The following NRIP1 variants were observed in gnomAD, a reference collection of about 807,000 sequenced individuals.
NRIP1 encodes the protein nuclear receptor-interacting protein 1.
Under a neutral mutation model 75.0 loss-of-function variants are expected in NRIP1, and 28 were observed. The observed-to-expected ratio is 0.37, with a 90% CI of 0.28 to 0.51. The LOEUF (loss-of-function observed/expected upper bound fraction) is 0.51. Ranked by LOEUF, NRIP1 falls within the 20% of genes least tolerant of loss-of-function variation. The pLI is 0.92. For synonymous variants in NRIP1, 526 were observed against 487.6 expected, an observed-to-expected ratio of 1.08 and a Z score of -1.04; for missense variants, 1,435 against 1,343.7, an observed-to-expected ratio of 1.07 and a Z score of -1.06.
intron 3 of NRIP1, among the ~76,000 whole-genome samples, chr21:14,993,771 A>C (rs1472920479): frequency 6.6e-6 from 1 of 151,886 alleles, no homozygotes; most frequent in Non-Finnish European, 1.5e-5. Context: ...GGCAACAGAG[A>C]GAGATATGTC....
intron 3 of NRIP1, among the ~76,000 whole-genome samples, chr21:14,969,725 C>T (rs2086853098): frequency 1.3e-5 from 2 of 152,162 alleles, no homozygotes. Context: ...TACCCTGTAG[C>T]TTTTTAAGTA....
At chr21:14,970,912 G>A (rs555516023) in intron 3 of NRIP1, among the ~76,000 whole-genome samples, 167 of 152,280 alleles carry the variant, frequency 1.1e-3, no homozygotes, top group African/African-American at 3.9e-3. Flanking sequence ...AGCAGATTTG[G>A]AAGTTGATTT....
chr21:14,965,941 A>C lies in NRIP1; in HGVS notation c.2252T>G (p.Leu751Arg), dbSNP rs376363115. Reference sequence around the variant, plus strand: ...AGGCTCAGATTTTATTTTCACCATCAGTATTTGTTCACTTAAAGCTCTCTC... The same window carrying C: ...AGGCTCAGATTTTATTTTCACCATCCGTATTTGTTCACTTAAAGCTCTCTC... The part of the protein sequence containing the change: ...HSERALSEQI[L>R]MVKIKSEPCD... The change falls in exon 4 of 4, where the codon CTG becomes CGG. Residue 751 changes from leucine (L) to arginine (R), a missense_variant. Physicochemically the swap from Leu to Arg is moderately radical, Grantham distance 102 (BLOSUM62 -2). Coordinates refer to ENST00000318948, the MANE Select transcript of NRIP1 (RefSeq NM_003489.4). 7.9e-5 allele frequency: 128 copies of C among 1,613,986 alleles called. No individual in the cohort carries two copies. Among genetic ancestry groups the C allele is most frequent in the Non-Finnish European group, 1.0e-4 (119 of 1,179,988 alleles).
chr21:15,010,541 T>A (rs1845451295), intron 3 of NRIP1, among the ~76,000 whole-genome samples: 1 of 152,208 alleles, frequency 6.6e-6, no homozygotes, highest in South Asian at 2.1e-4. Context: ...TAAGGAAAAG[T>A]CAATTATTTA....
In NRIP1 at chr21:14,965,911, T is replaced by C; in HGVS notation, c.2282A>G (p.Asp761Gly). 1 of 1,614,098 alleles carries C rather than the reference T, an allele frequency of 6.2e-7. No individual in the cohort carries two copies. The highest frequency in any genetic ancestry group is 8.5e-7 in the Non-Finnish European group (1 of 1,179,982). ...ATTTGTGTTAGGAATTTGTAAGTCA[T>C]CACAAGGCTCAGATTTTATTTTCAC... ...LMVKIKSEPC[D>G]DLQIPNTNVH... Residue 761 changes from aspartate (D) to glycine (G), a missense_variant, in exon 4 of 4, where the codon GAT becomes GGT. By Grantham distance (94) the Asp-to-Gly change is moderately conservative. Coordinates refer to ENST00000318948, the MANE Select transcript of NRIP1 (RefSeq NM_003489.4).
chr21:15,021,554 T>C (rs1449800791), intron 2 of NRIP1, among the ~76,000 whole-genome samples: 1 of 152,156 alleles, frequency 6.6e-6, no homozygotes, highest in South Asian at 2.1e-4. Flanking sequence ...AATTGCTGGA[T>C]ACATGTAAAT....
chr21:14,965,298 G>A lies in NRIP1; in HGVS notation c.2895C>T (p.His965=). 1.9e-6 allele frequency: 3 copies of A among 1,613,970 alleles called. No individual in the cohort carries two copies. The highest frequency in any genetic ancestry group is 2.5e-6 in the Non-Finnish European group (3 of 1,179,910). ...GTTTGCTGTTGGTCACATTATTTTT[G>A]TGTCCTTTCTTTTTACTGTCAGCCA... is the stretch of plus-strand genomic sequence containing the variant. The part of the protein sequence containing the change: ...NSVADSKKKG[H]KNNVTNSKPE... Residue 965 remains histidine (H), a synonymous_variant, in exon 4 of 4, where the codon CAC becomes CAT. Coordinates refer to ENST00000318948, the MANE Select transcript of NRIP1 (RefSeq NM_003489.4).
At chr21:15,050,780 G>A (rs527651132) in intron 1 of NRIP1, 34 of 456,054 alleles carry the variant, frequency 7.5e-5, no homozygotes, top group Middle Eastern at 6.5e-4. Flanking sequence ...CTTAGAGAAG[G>A]CAAAGGACTC....
intron 2 of NRIP1, among the ~76,000 whole-genome samples, chr21:15,029,580 G>A (rs2088596477): frequency 6.6e-6 from 1 of 152,150 alleles, no homozygotes; most frequent in South Asian, 2.1e-4. Flanking sequence ...CTCCAGGAGG[G>A]TAGCAATTTT....
intron 3 of NRIP1, among the ~76,000 whole-genome samples, chr21:14,969,166 T>C (rs1012094708): frequency 3.3e-5 from 5 of 152,204 alleles, no homozygotes; most frequent in African/African-American, 1.2e-4. Flanking sequence ...TTCATAAACA[T>C]TAAAATACAG....
intron 3 of NRIP1, among the ~76,000 whole-genome samples, chr21:14,982,031 TG>T (rs1339731436): frequency 6.6e-6 from 1 of 152,014 alleles, no homozygotes. Flanking sequence ...TTTTGATTTT[TG>T]TAGGGACGGG....
At chr21:15,013,582 T>C (rs895504757) in intron 3 of NRIP1, among the ~76,000 whole-genome samples, 1 of 152,232 alleles carries the variant, frequency 6.6e-6, no homozygotes, top group African/African-American at 2.4e-5. Flanking sequence ...CCTAGTTCAC[T>C]TGGATTTCTC....
intron 1 of NRIP1, among the ~76,000 whole-genome samples, chr21:15,058,034 T>C (rs1453513123): frequency 1.3e-5 from 2 of 152,196 alleles, no homozygotes; most frequent in African/African-American, 4.8e-5. Context: ...AGGCTTGAAA[T>C]CTTTACTGTT....
chr21:15,014,053 C>T (rs998509520), intron 3 of NRIP1, among the ~76,000 whole-genome samples: 1 of 152,184 alleles, frequency 6.6e-6, no homozygotes. Flanking sequence ...GTAATCTACA[C>T]ACTGAATTCT....
At chr21:15,023,799 A>G (rs1476114507) in intron 2 of NRIP1, among the ~76,000 whole-genome samples, 1 of 152,240 alleles carries the variant, frequency 6.6e-6, no homozygotes, top group Non-Finnish European at 1.5e-5. Flanking sequence ...ACCAAAATGT[A>G]TCATAAAGTT....
chr21:14,975,283 AATAT>A (rs1417319482), intron 3 of NRIP1, among the ~76,000 whole-genome samples: 6 of 152,204 alleles, frequency 3.9e-5, no homozygotes, highest in African/African-American at 1.4e-4. Context: ...ATCTAAGTGA[AATAT>A]CTTCGTTTGT....
In NRIP1 at chr21:14,965,578, T is replaced by G. The variant is rs2086711854; in HGVS notation, c.2615A>C (p.Lys872Thr). The change falls in exon 4 of 4, where the codon AAG (lysine) becomes ACG (threonine). Residue 872 changes from lysine (K) to threonine (T), a missense_variant. Lys to Thr is a moderately conservative substitution (Grantham distance 78, BLOSUM62 -1). Transcript: ENST00000318948. ...YTEPLENPFK[K>T]MKNNIVDAAN... is the part of the protein sequence containing the mutation. Reference sequence around the variant, plus strand: ...AGCATCAACAATGTTGTTTTTCATCTTTTTAAATGGATTTTCTAATGGCTC... The same window carrying G: ...AGCATCAACAATGTTGTTTTTCATCGTTTTAAATGGATTTTCTAATGGCTC... 1.2e-6 allele frequency: 2 copies of G among 1,613,954 alleles called. No homozygotes were observed. Among genetic ancestry groups the G allele is most frequent in the African/African-American group, 2.7e-5 (2 of 74,918 alleles).
At chr21:15,010,743 A>G (rs1403955233) in intron 3 of NRIP1, among the ~76,000 whole-genome samples, 4 of 152,224 alleles carry the variant, frequency 2.6e-5, no homozygotes, top group African/African-American at 9.6e-5. Flanking sequence ...GACTCGAACA[A>G]GGATGTCAGT....
intron 2 of NRIP1, among the ~76,000 whole-genome samples, chr21:15,025,940 T>G (rs2088507150): frequency 1.3e-5 from 2 of 152,154 alleles, no homozygotes; most frequent in African/African-American, 4.8e-5. Context: ...CTAAATGGAA[T>G]CCTTTTGCTG....
Sources: gnomAD v4.1 joint callset for allele counts (sites outside exome capture counted in the v4.1 genomes callset) on GRCh38, gnomAD v4.1.1 for gene constraint, MANE v1.5 for transcripts, NCBI Gene and HGNC (gene_info 2026-07-23, HGNC 2026-07-21) for gene names.